CREB5: variants seen among roughly 807,000 people sequenced by gnomAD.
CREB5 encodes cyclic AMP-responsive element-binding protein 5.
A neutral mutation model predicts 57.1 loss-of-function variants in CREB5; 19 were observed. That is an observed-to-expected ratio of 0.33 (90% CI 0.23 to 0.49). The LOEUF (loss-of-function observed/expected upper bound fraction) is 0.49, where lower values mean the gene tolerates loss of function less well. CREB5 is among the 20% of genes least tolerant of loss of function. CREB5 has a pLI of 0.99. For missense variants in CREB5, 579 were observed against 671.6 expected, an observed-to-expected ratio of 0.86 and a Z score of 1.52; for synonymous variants, 238 against 238.3, an observed-to-expected ratio of 1.00 and a Z score of 0.01.
At chr7:28,565,538 A>G (rs1048574002) in intron 4 of CREB5, among the ~76,000 whole-genome samples, 3 of 152,166 alleles carry the variant, frequency 2.0e-5, no homozygotes, top group Admixed American at 1.3e-4. Flanking sequence ...AAGACTAGAG[A>G]TGTGGTTTAT....
At chr7:28,564,015 T>G (rs1195179636) in intron 4 of CREB5, among the ~76,000 whole-genome samples, 1 of 152,216 alleles carries the variant, frequency 6.6e-6, no homozygotes, top group Non-Finnish European at 1.5e-5. Flanking sequence ...AATGGAGGAA[T>G]CAGGGCTCTT....
chr7:28,733,725 A>G (rs574750539), intron 7 of CREB5, among the ~76,000 whole-genome samples: 2 of 152,262 alleles, frequency 1.3e-5, no homozygotes, highest in Admixed American at 1.3e-4. Context: ...AGCTGGGGCC[A>G]GTTTGATTCA....
intron 4 of CREB5, among the ~76,000 whole-genome samples, chr7:28,553,580 G>C (rs1028383280): frequency 3.3e-5 from 5 of 152,154 alleles, no homozygotes; most frequent in African/African-American, 4.8e-5. Context: ...AAACCATAGA[G>C]GCAGTCCTGT....
intron 3 of CREB5, 54 bp from the exon 4 acceptor site, chr7:28,507,562 T>A: frequency 6.4e-7 from 1 of 1,559,038 alleles, no homozygotes. Context: ...TCATGCTTGC[T>A]ACTGGCTTTT....
intron 3 of CREB5, among the ~76,000 whole-genome samples, chr7:28,504,798 T>C (rs1337268506): frequency 6.6e-6 from 1 of 152,162 alleles, no homozygotes. Context: ...CTGTCTTGCA[T>C]ATCCTTGGGG....
chr7:28,423,025 C>A (rs1788336926), intron 1 of CREB5, among the ~76,000 whole-genome samples: 1 of 152,128 alleles, frequency 6.6e-6, no homozygotes, highest in Admixed American at 6.5e-5. Flanking sequence ...GTGGTATGTG[C>A]AGTCCCAGCT....
chr7:28,776,444 T>C, intron 7 of CREB5, among the ~76,000 whole-genome samples: 1 of 152,180 alleles, frequency 6.6e-6, no homozygotes, highest in African/African-American at 2.4e-5. Flanking sequence ...GAATTTGACA[T>C]GAAAAATTTT....
At chr7:28,722,694 C>T (rs1373021523) in intron 6 of CREB5, among the ~76,000 whole-genome samples, 14 of 152,206 alleles carry the variant, frequency 9.2e-5, no homozygotes, top group South Asian at 4.2e-4. Flanking sequence ...AAAAGTTGTA[C>T]GGAAGTGCTT....
At chr7:28,577,785 TC>T (rs1234821422) in intron 5 of CREB5, among the ~76,000 whole-genome samples, 5 of 152,206 alleles carry the variant, frequency 3.3e-5, no homozygotes, top group Admixed American at 3.3e-4. Flanking sequence ...TTAATTATTT[TC>T]ATAATGAATT....
intron 5 of CREB5, among the ~76,000 whole-genome samples, chr7:28,667,969 GCACGTC>G (rs890289910): frequency 2.2e-4 from 34 of 152,290 alleles, no homozygotes; most frequent in African/African-American, 7.7e-4. Context: ...TTTAAAAAAT[GCACGTC>G]TGCCTTTCAG....
chr7:28,712,515 A>AG (rs1249475619), intron 5 of CREB5, among the ~76,000 whole-genome samples: 2 of 150,204 alleles, frequency 1.3e-5, no homozygotes, highest in Admixed American at 1.3e-4. Flanking sequence ...CAAAAAAAAA[A>AG]AAAGAGAATT....
At chr7:28,386,057 T>A (rs74588904) in intron 1 of CREB5, among the ~76,000 whole-genome samples, 8,375 of 152,280 alleles carry the variant, frequency 0.055, 355 homozygotes, top group Non-Finnish European at 0.075. Context: ...GGGGCAACCT[T>A]TTTTCACATT....
intron 1 of CREB5, among the ~76,000 whole-genome samples, chr7:28,449,691 CAT>C (rs1789690952): frequency 6.6e-6 from 1 of 152,208 alleles, no homozygotes; most frequent in African/African-American, 2.4e-5. Flanking sequence ...TTGACCAAAT[CAT>C]GTGTTAGGAT....
At chr7:28,710,870 C>T (rs370419023) in intron 5 of CREB5, among the ~76,000 whole-genome samples, 2 of 152,076 alleles carry the variant, frequency 1.3e-5, no homozygotes, top group East Asian at 1.9e-4. Context: ...GATTGAATAG[C>T]GATAAATGTT....
intron 7 of CREB5, among the ~76,000 whole-genome samples, chr7:28,757,213 A>C (rs1805373311): frequency 6.6e-6 from 1 of 152,198 alleles, no homozygotes; most frequent in South Asian, 2.1e-4. Context: ...TTTACAGAGG[A>C]GGAAACTGAA....
intron 7 of CREB5, among the ~76,000 whole-genome samples, chr7:28,799,956 ATTCATTCATTCC>A (rs1459772565): frequency 6.6e-6 from 1 of 152,206 alleles, no homozygotes; most frequent in African/African-American, 2.4e-5. Context: ...AGAAAGTTTA[ATTCATTCATTCC>A]TTCATTCATT....
At position 28,698,032 on chromosome 7, in the gene CREB5, A is replaced by G. The variant is rs184545307; in HGVS notation, c.465-20721A>G. Among the ~76,000 whole-genome samples, 3 of 152,302 alleles carry G rather than the reference A, an allele frequency of 2.0e-5. No homozygotes were observed. In the East Asian group the frequency reaches 5.8e-4, roughly 29 times the overall value. On this transcript the variant is annotated intron_variant, in intron 5 of 10. Coordinates refer to ENST00000357727, the MANE Select transcript of CREB5 (RefSeq NM_182898.4). ...GAACATCAAATAGCTCTTACAAAAC[A>G]CCATTTTGATGAGTTAAGTGTAAAT...
chr7:28,407,302 C>G (rs569396560), intron 1 of CREB5, among the ~76,000 whole-genome samples: 6 of 152,268 alleles, frequency 3.9e-5, no homozygotes, highest in Admixed American at 2.6e-4. Flanking sequence ...CCACCTGCCT[C>G]GGCCTCCCAA....
intron 5 of CREB5, among the ~76,000 whole-genome samples, chr7:28,583,401 A>G (rs1309578001): frequency 1.3e-5 from 2 of 152,208 alleles, no homozygotes; most frequent in Non-Finnish European, 2.9e-5. Flanking sequence ...TGAGGGGAGA[A>G]TAAAACATGA....
Sources: allele counts gnomAD v4.1 joint callset (sites outside exome capture counted in the v4.1 genomes callset), GRCh38; gene constraint gnomAD v4.1.1; transcripts MANE v1.5; gene names NCBI Gene and HGNC (gene_info 2026-07-23, HGNC 2026-07-21).